The following PRR16 variants were observed in gnomAD, a reference collection of about 807,000 sequenced individuals.
The protein encoded by PRR16 is protein Largen.
In PRR16, 6 loss-of-function variants were observed where a neutral mutation model predicts 18.2. The ratio of observed to expected loss-of-function variants is 0.33; its 90% confidence interval spans 0.18 to 0.65. The LOEUF (loss-of-function observed/expected upper bound fraction) is 0.65. Ranked by LOEUF, PRR16 falls within the 30% of genes least tolerant of loss-of-function variation. The pLI is 0.74. For synonymous variants in PRR16, 151 were observed against 147.8 expected, an observed-to-expected ratio of 1.02 and a Z score of -0.16; for missense variants, 412 against 376.6, an observed-to-expected ratio of 1.09 and a Z score of -0.78.
At chr5:120,476,026 C>T (rs949637691) in intron 1 of PRR16, among the ~76,000 whole-genome samples, 4 of 152,044 alleles carry the variant, frequency 2.6e-5, no homozygotes, top group Admixed American at 6.6e-5. Flanking sequence ...CTTTCTTTCC[C>T]GCTGCCACCT....
chr5:120,708,188 T>C, the PRR16 span, among the ~76,000 whole-genome samples: 5 of 152,202 alleles, frequency 3.3e-5, no homozygotes, highest in Non-Finnish European at 5.9e-5. Context: ...GCCTTCAGGG[T>C]TGTACATTTG....
chr5:120,640,608 T>G (rs1031005594), intron 1 of PRR16, among the ~76,000 whole-genome samples: 7 of 152,158 alleles, frequency 4.6e-5, no homozygotes, highest in Admixed American at 2.0e-4. Context: ...GCTGGTTGCA[T>G]GTACTTGTCA....
chr5:120,651,755 G>T (rs1344507526), intron 1 of PRR16, among the ~76,000 whole-genome samples: 1 of 152,150 alleles, frequency 6.6e-6, no homozygotes, highest in African/African-American at 2.4e-5. Flanking sequence ...CTTGAAGTCA[G>T]GTAGCATGAT....
At chr5:120,490,190 C>A (rs1338444597) in intron 1 of PRR16, among the ~76,000 whole-genome samples, 1 of 152,052 alleles carries the variant, frequency 6.6e-6, no homozygotes, top group South Asian at 2.1e-4. Context: ...TGAATCTGAA[C>A]GTTGGCCTGC....
chr5:120,564,300 A>T (rs1054459193), intron 1 of PRR16, among the ~76,000 whole-genome samples: 1 of 152,132 alleles, frequency 6.6e-6, no homozygotes, highest in Admixed American at 6.5e-5. Context: ...CCTGCCTCTG[A>T]GCCCAGCCCA....
chr5:120,782,145 G>A, the PRR16 span, among the ~76,000 whole-genome samples: 1 of 152,144 alleles, frequency 6.6e-6, no homozygotes, highest in South Asian at 2.1e-4. Flanking sequence ...TGAGTGTGTG[G>A]TTGGTGTTAT....
chr5:120,686,750 TATAAAC>T lies in PRR16; in HGVS notation c.*47_*52del, dbSNP rs1352140376. 7 of 1,345,606 alleles carry T rather than the reference TATAAAC, an allele frequency of 5.2e-6. No homozygotes were observed. The highest frequency in any genetic ancestry group is 6.8e-6 in the Non-Finnish European group (7 of 1,026,446). The allele number at this position is 1,345,606 out of a possible 1,614,324, so 83.4% of individuals were successfully genotyped here. A position where few individuals can be genotyped will look rare whatever the true frequency, so the allele number is the denominator to read the frequency against. ...AAATTGTTTTTTTAATTTTCTATAT[TATAAAC>T]ATAAAATAAGTAATGAGCACTTTCT... is the stretch of plus-strand genomic sequence containing the variant. On this transcript the variant is annotated 3_prime_UTR_variant, in exon 2 of 2. Transcript: ENST00000407149.
At chr5:120,637,203 A>G (rs1755257139) in intron 1 of PRR16, among the ~76,000 whole-genome samples, 1 of 152,050 alleles carries the variant, frequency 6.6e-6, no homozygotes, top group African/African-American at 2.4e-5. Flanking sequence ...AACTAGTATA[A>G]CAACTATGGA....
At chr5:120,731,758 C>T in the PRR16 span, among the ~76,000 whole-genome samples, 1 of 152,124 alleles carries the variant, frequency 6.6e-6, no homozygotes, top group Admixed American at 6.6e-5. Flanking sequence ...AATGACAGTG[C>T]CTTATACATT....
At chr5:120,524,580 T>C (rs1047833209) in intron 1 of PRR16, among the ~76,000 whole-genome samples, 11 of 152,046 alleles carry the variant, frequency 7.2e-5, no homozygotes, top group African/African-American at 2.7e-4. Flanking sequence ...GGGTACAACA[T>C]AGAGTTACAT....
intron 1 of PRR16, among the ~76,000 whole-genome samples, chr5:120,530,875 A>C (rs1028670209): frequency 6.6e-6 from 1 of 152,202 alleles, no homozygotes; most frequent in Non-Finnish European, 1.5e-5. Context: ...CTACCAAAAT[A>C]GTAGAAGGAT....
At chr5:120,786,799 CACTT>C in the PRR16 span, among the ~76,000 whole-genome samples, 3 of 152,084 alleles carry the variant, frequency 2.0e-5, no homozygotes, top group Non-Finnish European at 4.4e-5. Flanking sequence ...TGTTCTCAGT[CACTT>C]AATATGTTAC....
the PRR16 span, among the ~76,000 whole-genome samples, chr5:120,785,847 A>G: frequency 1.3e-5 from 2 of 151,254 alleles, no homozygotes; most frequent in African/African-American, 4.8e-5. Flanking sequence ...GGGATTACAG[A>G]TGTGAGCTAC....
At chr5:120,512,847 C>T (rs1273948791) in intron 1 of PRR16, among the ~76,000 whole-genome samples, 4 of 151,928 alleles carry the variant, frequency 2.6e-5, no homozygotes, top group South Asian at 2.1e-4. Context: ...GGAGCGCAGG[C>T]GTGTTCAAAA....
chr5:120,769,995 G>A, the PRR16 span, among the ~76,000 whole-genome samples: 2 of 151,778 alleles, frequency 1.3e-5, no homozygotes, highest in Non-Finnish European at 2.9e-5. Flanking sequence ...TTGGTCACTT[G>A]TATGTCTTCT....
chr5:120,540,519 C>G (rs564536968), intron 1 of PRR16, among the ~76,000 whole-genome samples: 7 of 152,220 alleles, frequency 4.6e-5, no homozygotes, highest in Middle Eastern at 3.4e-3. Context: ...GGTCACGTAG[C>G]CTTGTATACT....
At chr5:120,520,030 G>C (rs568854105) in intron 1 of PRR16, among the ~76,000 whole-genome samples, 5 of 151,912 alleles carry the variant, frequency 3.3e-5, no homozygotes, top group Admixed American at 3.3e-4. Flanking sequence ...CCTGAACATT[G>C]TTAAGAAACA....
At chr5:120,694,590 A>C in the PRR16 span, among the ~76,000 whole-genome samples, 1 of 151,512 alleles carries the variant, frequency 6.6e-6, no homozygotes, top group Non-Finnish European at 1.5e-5. Context: ...AGGCTGAGGC[A>C]GGAGAATGGC....
At chr5:120,767,296 T>G in the PRR16 span, among the ~76,000 whole-genome samples, 1 of 151,984 alleles carries the variant, frequency 6.6e-6, no homozygotes, top group South Asian at 2.1e-4. Context: ...GACTTAGTGA[T>G]GCCTCAGGGC....
Sources: gnomAD v4.1 joint callset for allele counts (sites outside exome capture counted in the v4.1 genomes callset) on GRCh38, gnomAD v4.1.1 for gene constraint, MANE v1.5 for transcripts, NCBI Gene and HGNC (gene_info 2026-07-23, HGNC 2026-07-21) for gene names.